Variants in XIRP2 observed in about 807,000 individuals in gnomAD.
XIRP2 encodes xin actin binding repeat containing 2.
A neutral mutation model predicts 277.0 loss-of-function variants in XIRP2; 236 were observed. That is an observed-to-expected ratio of 0.85 (90% CI 0.77 to 0.95). The LOEUF is 0.95. XIRP2 is among the 40% of genes least tolerant of loss of function. The probability of loss-of-function intolerance (pLI) is 0.00; values close to 1 mark genes in which losing one functional copy is unlikely to be tolerated. For synonymous variants in XIRP2, 1,490 were observed against 1,416.5 expected, an observed-to-expected ratio of 1.05 and a Z score of -1.17; for missense variants, 4,640 against 4,157.5, an observed-to-expected ratio of 1.12 and a Z score of -3.19.
At chr2:167,110,582 A>T (rs542307594) in intron 2 of XIRP2, among the ~76,000 whole-genome samples, 1 of 152,206 alleles carries the variant, frequency 6.6e-6, no homozygotes, top group Admixed American at 6.5e-5. Flanking sequence ...GTAGCCCTCT[A>T]ATATAGTTTG....
At chr2:166,942,540 G>T (rs958817629) in intron 2 of XIRP2, among the ~76,000 whole-genome samples, 2 of 152,134 alleles carry the variant, frequency 1.3e-5, no homozygotes, top group South Asian at 4.1e-4. Context: ...CCAAGTCCAA[G>T]ACTGTATGTT....
chr2:167,107,019 T>C (rs1690635740), intron 2 of XIRP2, among the ~76,000 whole-genome samples: 1 of 151,524 alleles, frequency 6.6e-6, no homozygotes, highest in Admixed American at 6.6e-5. Context: ...TTATATATAT[T>C]GCGTGACCTT....
At chr2:166,924,152 C>G (rs976544710) in intron 2 of XIRP2, among the ~76,000 whole-genome samples, 10 of 151,934 alleles carry the variant, frequency 6.6e-5, no homozygotes, top group Admixed American at 6.6e-4. Context: ...GTGGGCTCAT[C>G]GGGAATACAT....
rs114696930 is a variant in XIRP2, at chr2:166,955,727, T to C, written c.408+51837T>C. Reference sequence around the variant, plus strand: ...TTCTCCTTTCTAAGCTTGAATCAGCTTCAAGAATTTCATACTTTGTGCTTC... The same window carrying C: ...TTCTCCTTTCTAAGCTTGAATCAGCCTCAAGAATTTCATACTTTGTGCTTC... On this transcript the variant is annotated intron_variant, in intron 2 of 10. Transcript: ENST00000409195. Among the ~76,000 whole-genome samples the C allele has an allele frequency of 4.5e-3, 681 of 151,940 alleles. 5 individuals are homozygous for C. The highest frequency in any genetic ancestry group is 0.015 in the African/African-American group (639 of 41,514).
At chr2:167,179,048 A>C (rs1692934082) in intron 3 of XIRP2, among the ~76,000 whole-genome samples, 1 of 152,092 alleles carries the variant, frequency 6.6e-6, no homozygotes, top group African/African-American at 2.4e-5. Context: ...CTAAGACTAG[A>C]TCCTTGAATC....
rs549863826 is a variant in XIRP2, at chr2:167,183,789, A to G, written c.563-26946A>G. ...CAATGACAATATTCTGTCTCTTTGCATGCTTAGTACTTTTATAATTGAAAG... is the reference window on the plus strand; with the variant it reads ...CAATGACAATATTCTGTCTCTTTGCGTGCTTAGTACTTTTATAATTGAAAG... On this transcript the variant is annotated intron_variant, in intron 3 of 10. Coordinates refer to ENST00000409195, the MANE Select transcript of XIRP2 (RefSeq NM_152381.6). 3.3e-5 allele frequency among the ~76,000 whole-genome samples: 5 copies of G among 151,402 alleles called. No homozygotes were observed. In the South Asian group the frequency reaches 8.4e-4, roughly 25 times the overall value.
intron 2 of XIRP2, among the ~76,000 whole-genome samples, chr2:167,009,514 G>T (rs537311312): frequency 6.6e-6 from 1 of 151,906 alleles, no homozygotes; most frequent in Admixed American, 6.6e-5. Context: ...GAATAGTGCC[G>T]CAACAAACAT....
At position 167,164,445 on chromosome 2, in the gene XIRP2, C is replaced by CAAAA. The variant is rs36066566; in HGVS notation, c.562+28405_562+28408dup. On this transcript the variant is annotated intron_variant, in intron 3 of 10. Coordinates refer to ENST00000409195, the MANE Select transcript of XIRP2 (RefSeq NM_152381.6). Reference sequence around the variant, plus strand: ...TGGGCGAAAGAGCGAGACTCCGTCTCAAAAAAAAAAAAAAAAAAAAAAAAA... The same window carrying CAAAA: ...TGGGCGAAAGAGCGAGACTCCGTCTCAAAAAAAAAAAAAAAAAAAAAAAAAAAAA... Among the ~76,000 whole-genome samples, 58 of 46,590 alleles carry CAAAA rather than the reference C, an allele frequency of 1.2e-3. 2 individuals carry two copies. Among genetic ancestry groups the CAAAA allele is most frequent in the African/African-American group, 3.0e-3 (38 of 12,566 alleles). 30.6% of individuals were successfully genotyped at this position (46,590 alleles called of 152,430 possible).
chr2:167,051,856 C>A (rs939729421), intron 2 of XIRP2, among the ~76,000 whole-genome samples: 1 of 151,976 alleles, frequency 6.6e-6, no homozygotes, highest in African/African-American at 2.4e-5. Flanking sequence ...TGTAAATTTG[C>A]CTTTAAGAAG....
intron 3 of XIRP2, among the ~76,000 whole-genome samples, chr2:167,198,905 C>T (rs539223832): frequency 8.3e-4 from 126 of 152,218 alleles, no homozygotes; most frequent in African/African-American, 2.9e-3. Flanking sequence ...TGCTGCTGTT[C>T]GTGGACTTAG....
chr2:167,217,188 A>G (rs1298178360), intron 4 of XIRP2, among the ~76,000 whole-genome samples: 1 of 149,578 alleles, frequency 6.7e-6, no homozygotes, highest in Non-Finnish European at 1.5e-5. Context: ...ATGCTAGATG[A>G]CGAGTTAGTG....
At chr2:167,106,088 A>G (rs1009654153) in intron 2 of XIRP2, among the ~76,000 whole-genome samples, 1 of 151,434 alleles carries the variant, frequency 6.6e-6, no homozygotes, top group African/African-American at 2.4e-5. Context: ...CTTGACACAT[A>G]TGTGATTTGC....
intron 2 of XIRP2, among the ~76,000 whole-genome samples, chr2:166,969,940 A>T (rs530777199): frequency 3.7e-4 from 52 of 141,136 alleles, no homozygotes; most frequent in Non-Finnish European, 7.0e-4. Context: ...AACTAAAATT[A>T]AAAAAAAAAT....
intron 2 of XIRP2, among the ~76,000 whole-genome samples, chr2:166,905,180 C>T (rs1684486242): frequency 6.6e-6 from 1 of 151,846 alleles, no homozygotes; most frequent in African/African-American, 2.4e-5. Context: ...GATTGGGGTA[C>T]ACAACAAAGA....
rs752947043 is a variant in XIRP2, at chr2:167,251,614, A to T, written c.10222A>T (p.Ile3408Phe). Residue 3408 changes from isoleucine (I) to phenylalanine (F), a missense_variant, in exon 9 of 11, where the codon ATC (isoleucine) becomes TTC (phenylalanine). Ile to Phe is a conservative substitution (Grantham distance 21). Transcript: ENST00000409195. ...REKIPVKQPR[I>F]CSETRSLSEH... The stretch of plus-strand genomic sequence containing the variant: ...AAAGATTCCTGTTAAGCAGCCCAGG[A>T]TCTGCTCTGAAACCAGGTCTCTAAG... 6.2e-7 allele frequency: 1 copy of T among 1,613,542 alleles called. No homozygotes were observed. Among genetic ancestry groups the T allele is most frequent in the Admixed American group, 1.7e-5 (1 of 59,962 alleles).
At chr2:167,233,534 G>A (rs1268168418) in intron 5 of XIRP2, among the ~76,000 whole-genome samples, 2 of 151,762 alleles carry the variant, frequency 1.3e-5, no homozygotes, top group Non-Finnish European at 2.9e-5. Flanking sequence ...AGAGGGCACA[G>A]ACTCAAGGGT....
intron 3 of XIRP2, among the ~76,000 whole-genome samples, chr2:167,154,105 C>G (rs1485841494): frequency 6.7e-6 from 1 of 149,574 alleles, no homozygotes; most frequent in Non-Finnish European, 1.5e-5. Context: ...GCCATTCTAA[C>G]TGGTGTGAGA....
intron 2 of XIRP2, among the ~76,000 whole-genome samples, chr2:167,058,025 T>TTTTACTTTATTTTAC (rs537697647): frequency 1.4e-4 from 6 of 42,034 alleles, no homozygotes; most frequent in African/African-American, 2.9e-4. Flanking sequence ...TTTATAATTA[T>TTTTACTTTATTTTAC]TTTATTTTAT....
intron 2 of XIRP2, among the ~76,000 whole-genome samples, chr2:166,998,271 ATTAAAC>A (rs1245832610): frequency 6.6e-6 from 1 of 152,192 alleles, no homozygotes; most frequent in East Asian, 1.9e-4. Flanking sequence ...ATAAAACAAA[ATTAAAC>A]TAAAAAAAAT....
Sources: allele counts gnomAD v4.1 joint callset (sites outside exome capture counted in the v4.1 genomes callset), GRCh38; gene constraint gnomAD v4.1.1; transcripts MANE v1.5; gene names NCBI Gene and HGNC (gene_info 2026-07-23, HGNC 2026-07-21).